Variants in SDK1 observed in about 807,000 individuals in gnomAD.
SDK1 encodes sidekick cell adhesion molecule 1.
A neutral mutation model predicts 245.5 loss-of-function variants in SDK1; 157 were observed. That is an observed-to-expected ratio of 0.64 (90% CI 0.56 to 0.73). SDK1 has a LOEUF of 0.73. Ranked by LOEUF, SDK1 falls within the 30% of genes least tolerant of loss-of-function variation. SDK1 has a pLI of 0.00. For missense variants in SDK1, 3,583 were observed against 3,002.3 expected, an observed-to-expected ratio of 1.19 and a Z score of -4.52; for synonymous variants, 1,647 against 1,278.5, an observed-to-expected ratio of 1.29 and a Z score of -6.15.
chr7:3,410,578 C>CTTTTTTTTTTTTTTT (rs776277920), intron 1 of SDK1, among the ~76,000 whole-genome samples: 3 of 82,062 alleles, frequency 3.7e-5, no homozygotes, highest in African/African-American at 1.6e-4. Flanking sequence ...GAAATGATAT[C>CTTTTTTTTTTTTTTT]TTTTTTTTTT....
At chr7:3,337,344 C>G (rs1224982149) in intron 1 of SDK1, among the ~76,000 whole-genome samples, 2 of 151,712 alleles carry the variant, frequency 1.3e-5, no homozygotes, top group South Asian at 2.1e-4. Flanking sequence ...AAATTAGAAT[C>G]TGCCCAATGT....
intron 1 of SDK1, among the ~76,000 whole-genome samples, chr7:3,365,538 G>A (rs945954635): frequency 2.6e-5 from 4 of 152,068 alleles, no homozygotes; most frequent in African/African-American, 7.2e-5. Flanking sequence ...CTCTTACACT[G>A]AAAATAGTGA....
At chr7:3,695,980 C>CT (rs1784561974) in intron 4 of SDK1, among the ~76,000 whole-genome samples, 2 of 152,080 alleles carry the variant, frequency 1.3e-5, no homozygotes, top group Non-Finnish European at 2.9e-5. Flanking sequence ...CTGGCATCTT[C>CT]TTTTTTGCTT....
chr7:3,883,792 C>A (rs76597869), intron 5 of SDK1, among the ~76,000 whole-genome samples: 6,899 of 149,114 alleles, frequency 0.046, 498 homozygotes, highest in African/African-American at 0.15. Context: ...ATTCCTCTTG[C>A]CCTAGTTCTA....
intron 4 of SDK1, among the ~76,000 whole-genome samples, chr7:3,739,622 T>A (rs555864928): frequency 6.6e-6 from 1 of 152,356 alleles, no homozygotes; most frequent in East Asian, 1.9e-4. Context: ...TTAATACTTT[T>A]AAAATAATTT....
At chr7:3,903,350 A>G (rs987775887) in intron 5 of SDK1, among the ~76,000 whole-genome samples, 1 of 152,046 alleles carries the variant, frequency 6.6e-6, no homozygotes, top group Non-Finnish European at 1.5e-5. Flanking sequence ...TCACCGTGTT[A>G]GCCAGGATGG....
At chr7:4,118,658 C>T (rs977755085) in intron 25 of SDK1, among the ~76,000 whole-genome samples, 2 of 149,648 alleles carry the variant, frequency 1.3e-5, no homozygotes, top group Admixed American at 1.3e-4. Flanking sequence ...CCATAGTAGC[C>T]GAAAAGTGGA....
chr7:4,221,113 T>C (rs1015780086), intron 39 of SDK1, 126 bp from the exon 40 acceptor site: 3 of 1,170,912 alleles, frequency 2.6e-6, no homozygotes, highest in African/African-American at 3.1e-5. Flanking sequence ...GTGCGTGAGG[T>C]TAAGTAACCT....
In SDK1 at chr7:4,179,052, T is replaced by C. The variant is rs1300167181; in HGVS notation, c.5098+466T>C. The C allele has an allele frequency of 3.2e-5, 5 of 157,562 alleles. No individual in the cohort carries two copies. In the Admixed American group the frequency reaches 3.2e-4, roughly 10 times the overall value. 9.8% of individuals were successfully genotyped at this position (157,562 alleles called of 1,614,324 possible). A position where few individuals can be genotyped will look rare whatever the true frequency, so the allele number is the denominator to read the frequency against. ...GTCTCCACCCCTTTTAGATAAGATG[T>C]GACTGTTGGGTCTGATTCAAGGGAC... On this transcript the variant is annotated intron_variant, in intron 35 of 44. Coordinates refer to ENST00000404826, the MANE Select transcript of SDK1 (RefSeq NM_152744.4).
chr7:3,821,739 T>G (rs1471961736), intron 5 of SDK1, among the ~76,000 whole-genome samples, 156 bp downstream of exon 5: 1 of 152,150 alleles, frequency 6.6e-6, no homozygotes, highest in Admixed American at 6.5e-5. Flanking sequence ...TCGGAGAGCT[T>G]TAGGGCTCTT....
intron 1 of SDK1, among the ~76,000 whole-genome samples, chr7:3,487,821 A>G (rs1041653746): frequency 5.3e-5 from 8 of 151,848 alleles, no homozygotes; most frequent in African/African-American, 1.7e-4. Flanking sequence ...GCTCAGCCCA[A>G]CAAAATCATA....
At chr7:4,097,408 T>C (rs558549039) in intron 22 of SDK1, among the ~76,000 whole-genome samples, 1 of 152,334 alleles carries the variant, frequency 6.6e-6, no homozygotes, top group Non-Finnish European at 1.5e-5. Flanking sequence ...CATCTCCCCT[T>C]GGCACCCAGA....
At chr7:3,912,024 C>T (rs1057033671) in intron 5 of SDK1, among the ~76,000 whole-genome samples, 6 of 151,996 alleles carry the variant, frequency 3.9e-5, no homozygotes, top group African/African-American at 7.2e-5. Flanking sequence ...GGTGCGGGGG[C>T]GTGCAGGGCA....
chr7:3,504,294 C>T (rs1057151442), intron 1 of SDK1, among the ~76,000 whole-genome samples: 1 of 148,568 alleles, frequency 6.7e-6, no homozygotes, highest in African/African-American at 2.5e-5. Flanking sequence ...GTTGTTGTTG[C>T]AGAATTTGAC....
At chr7:4,220,292 G>C in intron 39 of SDK1, 22 bp downstream of exon 39, 2 of 1,604,246 alleles carry the variant, frequency 1.2e-6, no homozygotes, top group South Asian at 1.1e-5. Context: ...TCCAGGGGCA[G>C]ACAATGTCAA....
intron 5 of SDK1, among the ~76,000 whole-genome samples, chr7:3,898,726 C>T (rs1378437664): frequency 6.6e-6 from 1 of 152,096 alleles, no homozygotes; most frequent in Non-Finnish European, 1.5e-5. Flanking sequence ...TATTATGTCA[C>T]GCCCCTTGTG....
intron 1 of SDK1, among the ~76,000 whole-genome samples, chr7:3,602,330 C>A (rs1482372019): frequency 6.6e-6 from 1 of 151,116 alleles, no homozygotes; most frequent in African/African-American, 2.4e-5. Flanking sequence ...CACATCCTCT[C>A]CAGCACCTGT....
chr7:3,614,269 T>C lies in SDK1; in HGVS notation c.299-4811T>C, dbSNP rs146734396. 4.3e-4 allele frequency among the ~76,000 whole-genome samples: 65 copies of C among 152,358 alleles called. 1 individual carries two copies. The highest frequency in any genetic ancestry group is 1.5e-3 in the African/African-American group (61 of 41,594). On this transcript the variant is annotated intron_variant, in intron 1 of 44. Transcript: ENST00000404826. ...GTTCTATTTTAAGAATAGAACACTT[T>C]CTATATGAAAATGGAAATTTCACTT...
intron 4 of SDK1, among the ~76,000 whole-genome samples, chr7:3,796,179 A>G (rs1260370415): frequency 1.3e-5 from 2 of 152,206 alleles, no homozygotes; most frequent in Non-Finnish European, 2.9e-5. Context: ...TGCAAAATGA[A>G]AGGGAGAATT....
Sources: allele counts gnomAD v4.1 joint callset (sites outside exome capture counted in the v4.1 genomes callset), GRCh38; gene constraint gnomAD v4.1.1; transcripts MANE v1.5; gene names NCBI Gene and HGNC (gene_info 2026-07-23, HGNC 2026-07-21).